DNAH9: variants seen among roughly 807,000 people sequenced by gnomAD.
The protein encoded by DNAH9 is dynein axonemal heavy chain 9.
Under a neutral mutation model 471.6 loss-of-function variants are expected in DNAH9, and 345 were observed. That is an observed-to-expected ratio of 0.73 (90% CI 0.67 to 0.80). The LOEUF is 0.80. Among genes scored for constraint, DNAH9 ranks in the 30% least tolerant of loss-of-function variants. DNAH9 has a pLI of 0.00. For missense variants in DNAH9, 5,407 were observed against 5,609.2 expected (o/e 0.96, Z 1.15); for synonymous variants, 2,093 against 2,123.6 (o/e 0.99, Z 0.40).
intron 44 of DNAH9, among the ~76,000 whole-genome samples, chr17:11,808,198 A>G (rs1969762740): frequency 1.3e-5 from 2 of 152,206 alleles, no homozygotes. Context: ...GCTCACTGGC[A>G]GTGGGAGCAG....
At chr17:11,730,116 GT>G (rs2075233554) in intron 28 of DNAH9, among the ~76,000 whole-genome samples, 1 of 152,146 alleles carries the variant, frequency 6.6e-6, no homozygotes, top group Non-Finnish European at 1.5e-5. Context: ...GTGAAATATG[GT>G]TTTTCCCTTT....
chr17:11,947,123 A>G (rs1975156034), intron 67 of DNAH9, among the ~76,000 whole-genome samples: 1 of 152,236 alleles, frequency 6.6e-6, no homozygotes, highest in South Asian at 2.1e-4. Context: ...ATGTTCCCAT[A>G]GAAAGGAATT....
intron 6 of DNAH9, among the ~76,000 whole-genome samples, chr17:11,629,099 ACTT>A (rs2073020462): frequency 1.5e-4 from 21 of 138,538 alleles, no homozygotes; most frequent in African/African-American, 5.7e-4. Context: ...TTTTTTTTTT[ACTT>A]CTTTTTTTTT....
At chr17:11,698,753 T>C (rs1268544482) in intron 22 of DNAH9, among the ~76,000 whole-genome samples, 1 of 152,128 alleles carries the variant, frequency 6.6e-6, no homozygotes, top group Non-Finnish European at 1.5e-5. Context: ...TGCCATTTTC[T>C]TCACCTCAGG....
chr17:11,904,630 C>CAAAAAAAAAAAAA (rs202059757), intron 60 of DNAH9, among the ~76,000 whole-genome samples: 6 of 111,458 alleles, frequency 5.4e-5, no homozygotes, highest in Admixed American at 1.7e-4. Context: ...GACTCCATCT[C>CAAAAAAAAAAAAA]AAAAAAAAAA....
rs1461771512 is a variant in DNAH9, at chr17:11,664,977, T to C, written c.2731+9T>C. On this transcript the variant is annotated intron_variant, in intron 15 of 68. Coordinates refer to ENST00000262442, the MANE Select transcript of DNAH9 (RefSeq NM_001372.4). ...TCTTCTGGAAAATACTGGTACTTACTGGCTTATGGATGTGGGTTATTATTG... is the reference window on the plus strand; with the variant it reads ...TCTTCTGGAAAATACTGGTACTTACCGGCTTATGGATGTGGGTTATTATTG... 1 of 1,610,114 alleles carries C rather than the reference T, an allele frequency of 6.2e-7. No homozygotes were observed. Among genetic ancestry groups the C allele is most frequent in the African/African-American group, 1.3e-5 (1 of 74,928 alleles).
intron 14 of DNAH9, among the ~76,000 whole-genome samples, chr17:11,654,319 G>A (rs556766925): frequency 0.033 from 1,367 of 41,836 alleles, 118 homozygotes; most frequent in Non-Finnish European, 0.052. Flanking sequence ...TTGCGCCACT[G>A]CACTCCAGCC....
At chr17:11,891,416 A>G (rs1973045162) in intron 57 of DNAH9, among the ~76,000 whole-genome samples, 5 of 152,112 alleles carry the variant, frequency 3.3e-5, no homozygotes, top group African/African-American at 1.2e-4. Flanking sequence ...CCCAGCCTGG[A>G]ATGCAGTGGC....
chr17:11,864,276 T>G (rs1002290541), intron 50 of DNAH9, among the ~76,000 whole-genome samples: 26 of 149,790 alleles, frequency 1.7e-4, no homozygotes, highest in African/African-American at 3.0e-4. Flanking sequence ...CATTTCGTTA[T>G]GTACCCAGTA....
intron 26 of DNAH9, among the ~76,000 whole-genome samples, chr17:11,712,873 G>T (rs1270098061): frequency 2.0e-5 from 3 of 150,242 alleles, no homozygotes; most frequent in African/African-American, 7.4e-5. Context: ...TTCTTAAAAA[G>T]CTTTAAGAAA....
intron 11 of DNAH9, among the ~76,000 whole-genome samples, chr17:11,646,653 C>T (rs1020864571): frequency 5.9e-5 from 9 of 152,118 alleles, no homozygotes; most frequent in Non-Finnish European, 1.3e-4. Context: ...GTGGCTCAAG[C>T]GTGTAATCCC....
At chr17:11,906,763 A>C (rs1973617287) in intron 61 of DNAH9, among the ~76,000 whole-genome samples, 1 of 152,156 alleles carries the variant, frequency 6.6e-6, no homozygotes, top group Non-Finnish European at 1.5e-5. Context: ...TAACTAATGC[A>C]GGAACAGAAA....
chr17:11,679,044 TCA>T (rs1391916068), intron 17 of DNAH9, among the ~76,000 whole-genome samples: 4 of 152,220 alleles, frequency 2.6e-5, no homozygotes, highest in African/African-American at 9.6e-5. Flanking sequence ...GATCTTCTAC[TCA>T]GTTATTGTAT....
At chr17:11,920,562 A>G (rs1333911332) in intron 61 of DNAH9, among the ~76,000 whole-genome samples, 3 of 150,038 alleles carry the variant, frequency 2.0e-5, no homozygotes, top group African/African-American at 7.4e-5. Context: ...CAGAGGTTGC[A>G]GTGAGCTGAG....
intron 9 of DNAH9, 32 bp from the exon 10 acceptor site, chr17:11,640,238 C>T (rs781604222): frequency 3.6e-6 from 5 of 1,385,086 alleles, no homozygotes; most frequent in Non-Finnish European, 5.1e-6. Context: ...GTGCTCTAGA[C>T]TCATTTCGGT....
chr17:11,740,062 TCTC>T (rs781047301), intron 29 of DNAH9, among the ~76,000 whole-genome samples: 29 of 152,264 alleles, frequency 1.9e-4, no homozygotes, highest in South Asian at 8.3e-4. Context: ...GACGGGGCCT[TCTC>T]CTTCTTCAGC....
chr17:11,825,807 T>C (rs1354144830), intron 48 of DNAH9, among the ~76,000 whole-genome samples: 1 of 152,208 alleles, frequency 6.6e-6, no homozygotes, highest in Non-Finnish European at 1.5e-5. Flanking sequence ...AGAGCTCACA[T>C]ACTATATGGA....
chr17:11,917,531 T>G (rs1973996376), intron 61 of DNAH9, among the ~76,000 whole-genome samples: 1 of 152,156 alleles, frequency 6.6e-6, no homozygotes, highest in African/African-American at 2.4e-5. Flanking sequence ...GATCAAGCCT[T>G]TAACAGAGCT....
Position 11,894,512 on chromosome 17 carries a change from T to TAAAAAAAA in DNAH9, c.11406+17_11406+18insAAAAAAAA. 1 of 1,605,280 alleles carries TAAAAAAAA rather than the reference T, an allele frequency of 6.2e-7. No homozygotes were observed. On this transcript the variant is annotated intron_variant, in intron 59 of 68. Transcript: ENST00000262442. ...AGCTGTCAAGGTCAGTATTGACCCC[T>TAAAAAAAA]AGAAAAAAGCCAAGCTCTCATCTCT... is the stretch of plus-strand genomic sequence containing the variant.
Sources: allele counts gnomAD v4.1 joint callset (sites outside exome capture counted in the v4.1 genomes callset), GRCh38; gene constraint gnomAD v4.1.1; transcripts MANE v1.5; gene names NCBI Gene and HGNC (gene_info 2026-07-23, HGNC 2026-07-21).